FNIP1: variants seen among roughly 807,000 people sequenced by gnomAD.
FNIP1 encodes folliculin-interacting protein 1.
Under a neutral mutation model 124.5 loss-of-function variants are expected in FNIP1, and 40 were observed. That is an observed-to-expected ratio of 0.32 (90% CI 0.25 to 0.42). The LOEUF (loss-of-function observed/expected upper bound fraction) is 0.42, where lower values mean the gene tolerates loss of function less well. Ranked by LOEUF, FNIP1 falls within the 10% of genes least tolerant of loss-of-function variation. The probability of loss-of-function intolerance (pLI) is 1.00; values close to 1 mark genes in which losing one functional copy is unlikely to be tolerated. For synonymous variants in FNIP1, 472 were observed against 470.6 expected, an observed-to-expected ratio of 1.00 and a Z score of -0.04; for missense variants, 1,176 against 1,403.7, an observed-to-expected ratio of 0.84 and a Z score of 2.59.
Position 131,739,008 on chromosome 5 carries a change from G to T in FNIP1, c.219+5556C>A, listed in dbSNP as rs190241062. 2.6e-5 allele frequency among the ~76,000 whole-genome samples: 4 copies of T among 152,022 alleles called. No homozygotes were observed. The East Asian group carries it at 7.7e-4, about 29-fold the overall frequency. On this transcript the variant is annotated intron_variant, in intron 2 of 17. Transcript: ENST00000510461. ...TTTTTATGTTTTCTGTAGAGACGGGGTCTTCCTATGTTGGCCAGACTGGTC... is the reference window on the plus strand; with the variant it reads ...TTTTTATGTTTTCTGTAGAGACGGGTTCTTCCTATGTTGGCCAGACTGGTC...
At chr5:131,656,604 T>C (rs1042922335) in intron 15 of FNIP1, among the ~76,000 whole-genome samples, 1 of 152,126 alleles carries the variant, frequency 6.6e-6, no homozygotes, top group African/African-American at 2.4e-5. Flanking sequence ...GGTTTGATAA[T>C]TTTAGAAAGA....
chr5:131,658,661 G>A (rs1449042402), intron 15 of FNIP1, among the ~76,000 whole-genome samples: 1 of 151,924 alleles, frequency 6.6e-6, no homozygotes, highest in Middle Eastern at 3.2e-3. Context: ...TGAAAGCAAT[G>A]CTATCACCTT....
intron 5 of FNIP1, among the ~76,000 whole-genome samples, chr5:131,717,852 T>C (rs1051678367): frequency 2.6e-5 from 4 of 152,088 alleles, no homozygotes; most frequent in African/African-American, 7.2e-5. Context: ...TATTTTTGGC[T>C]TCAATATTTT....
At chr5:131,695,607 C>T (rs1252078911) in intron 11 of FNIP1, among the ~76,000 whole-genome samples, 3 of 152,114 alleles carry the variant, frequency 2.0e-5, no homozygotes, top group Non-Finnish European at 2.9e-5. Context: ...TATAAATCAC[C>T]AACTCCTAAA....
chr5:131,682,376 G>A (rs745923566), intron 11 of FNIP1, among the ~76,000 whole-genome samples: 4 of 152,034 alleles, frequency 2.6e-5, no homozygotes, highest in African/African-American at 7.2e-5. Context: ...AATTAATTAC[G>A]CAACAGTGCT....
intron 2 of FNIP1, among the ~76,000 whole-genome samples, chr5:131,737,165 G>C (rs745878830): frequency 2.0e-5 from 3 of 152,088 alleles, no homozygotes; most frequent in Non-Finnish European, 4.4e-5. Context: ...CCTGCTTATA[G>C]AAGTCCTGTG....
intron 11 of FNIP1, among the ~76,000 whole-genome samples, chr5:131,693,317 C>CATATATATAT (rs1561658252): frequency 2.9e-4 from 12 of 41,588 alleles, no homozygotes; most frequent in South Asian, 8.7e-4. Context: ...TATATATATA[C>CATATATATAT]ACATATATAT....
At position 131,667,747 on chromosome 5, in the gene FNIP1, C is replaced by A. The variant is rs140922249; in HGVS notation, c.3108+2716G>T. ...GGGATTACAGGCACATGCCACCACACCCAGCTAATCTTTGTATTTTTGTAG... is the reference window on the plus strand; with the variant it reads ...GGGATTACAGGCACATGCCACCACAACCAGCTAATCTTTGTATTTTTGTAG... On this transcript the variant is annotated intron_variant, in intron 15 of 17. Transcript: ENST00000510461. Among the ~76,000 whole-genome samples, 715 of 152,334 alleles carry A rather than the reference C, an allele frequency of 4.7e-3. 4 individuals carry two copies. Among genetic ancestry groups the A allele is most frequent in the African/African-American group, 0.016 (683 of 41,574 alleles).
chr5:131,765,538 C>T (rs1213212925), intron 1 of FNIP1, among the ~76,000 whole-genome samples: 3 of 152,188 alleles, frequency 2.0e-5, no homozygotes, highest in Non-Finnish European at 4.4e-5. Flanking sequence ...CAAATGTAAG[C>T]ATGCTTTCCT....
intron 3 of FNIP1, among the ~76,000 whole-genome samples, chr5:131,728,189 T>G (rs886522232): frequency 6.6e-6 from 1 of 152,172 alleles, no homozygotes; most frequent in African/African-American, 2.4e-5. Flanking sequence ...ATCTTTGTTG[T>G]GTTCTCTGTA....
intron 3 of FNIP1, 78 bp downstream of exon 3, chr5:131,730,826 A>T: frequency 1.7e-6 from 2 of 1,179,910 alleles, no homozygotes. Flanking sequence ...AATTGCTATT[A>T]TATCTCCACA....
intron 2 of FNIP1, among the ~76,000 whole-genome samples, chr5:131,733,942 G>A (rs1225809244): frequency 6.6e-6 from 1 of 152,194 alleles, no homozygotes; most frequent in Non-Finnish European, 1.5e-5. Context: ...GAATTCGGCT[G>A]TGAATCTGTC....
intron 1 of FNIP1, among the ~76,000 whole-genome samples, chr5:131,792,025 G>A (rs1337808705): frequency 6.6e-6 from 1 of 152,166 alleles, no homozygotes; most frequent in Non-Finnish European, 1.5e-5. Context: ...GTTCCTGAAA[G>A]CCATGTGCTA....
At chr5:131,744,510 G>A (rs1770608698) in intron 2 of FNIP1, 54 bp downstream of exon 2, 11 of 1,529,484 alleles carry the variant, frequency 7.2e-6, no homozygotes, top group Middle Eastern at 3.5e-4. Context: ...GATAATACTG[G>A]AATTATCAAA....
At chr5:131,724,837 T>C (rs1347172735) in intron 3 of FNIP1, among the ~76,000 whole-genome samples, 6 of 152,242 alleles carry the variant, frequency 3.9e-5, no homozygotes, top group Non-Finnish European at 7.3e-5. Flanking sequence ...GTTTTAGGTC[T>C]TACGTTTAAG....
chr5:131,728,411 C>A (rs1348016993), intron 3 of FNIP1, among the ~76,000 whole-genome samples: 1 of 152,000 alleles, frequency 6.6e-6, no homozygotes, highest in African/African-American at 2.4e-5. Flanking sequence ...TGTCTTCATG[C>A]TTTATGTCAT....
intron 1 of FNIP1, among the ~76,000 whole-genome samples, chr5:131,758,611 A>G (rs1243376102): frequency 1.3e-5 from 2 of 152,224 alleles, no homozygotes; most frequent in Non-Finnish European, 2.9e-5. Context: ...TCAGTGATGA[A>G]CCACAAGCTA....
chr5:131,683,552 C>CA (rs1184433193), intron 11 of FNIP1, among the ~76,000 whole-genome samples: 3,605 of 52,016 alleles, frequency 0.069, 211 homozygotes, highest in African/African-American at 0.15. Context: ...GACTCCGTCT[C>CA]AAAAAAAAAA....
chr5:131,676,327 T>C (rs1767911523), intron 13 of FNIP1, among the ~76,000 whole-genome samples: 1 of 152,110 alleles, frequency 6.6e-6, no homozygotes, highest in African/African-American at 2.4e-5. Context: ...TTTTGTATTT[T>C]CAGTAGAGGC....
Sources: allele counts gnomAD v4.1 joint callset (sites outside exome capture counted in the v4.1 genomes callset), GRCh38; gene constraint gnomAD v4.1.1; transcripts MANE v1.5; gene names NCBI Gene and HGNC (gene_info 2026-07-23, HGNC 2026-07-21).